CDC42BPA: variants seen among roughly 807,000 people sequenced by gnomAD.
The protein encoded by CDC42BPA is CDC42 binding protein kinase alpha, also known as serine/threonine-protein kinase MRCK alpha.
Under a neutral mutation model 223.5 loss-of-function variants are expected in CDC42BPA, and 80 were observed. The ratio of observed to expected loss-of-function variants is 0.36; its 90% CI spans 0.30 to 0.43. The LOEUF (loss-of-function observed/expected upper bound fraction) is 0.43, where lower values mean the gene tolerates loss of function less well. Ranked by LOEUF, CDC42BPA falls within the 20% of genes least tolerant of loss-of-function variation. The pLI, the probability that CDC42BPA is intolerant of heterozygous loss-of-function variation, is 1.00. For synonymous variants in CDC42BPA, 694 were observed against 718.6 expected (o/e 0.97, Z 0.55); for missense variants, 1,743 against 2,099.9 (o/e 0.83, Z 3.32).
intron 1 of CDC42BPA, among the ~76,000 whole-genome samples, chr1:227,304,173 G>A (rs6656653): frequency 0.2 from 30,724 of 152,132 alleles, 3,170 homozygotes; most frequent in East Asian, 0.26. Context: ...TTGGGAAGCC[G>A]AGGTGGGCGC....
At chr1:227,122,897 A>G (rs1375274258) in intron 11 of CDC42BPA, among the ~76,000 whole-genome samples, 1 of 152,256 alleles carries the variant, frequency 6.6e-6, no homozygotes, top group East Asian at 1.9e-4. Context: ...AACAAATAGC[A>G]AATATGGCTA....
chr1:227,225,817 G>C lies in CDC42BPA; in HGVS notation c.271-12598C>G, dbSNP rs16847485. On this transcript the variant is annotated intron_variant, in intron 2 of 36. Coordinates refer to ENST00000366766, the MANE Select transcript of CDC42BPA (RefSeq NM_001394014.1). ...GATTTCCTTGAAAACACAATGACTA[G>C]TACTAGTGGCCTTAAATATAATGCA... 7.3e-3 allele frequency among the ~76,000 whole-genome samples: 1,109 copies of C among 152,266 alleles called. 11 individuals carry two copies. Among genetic ancestry groups the C allele is most frequent in the Non-Finnish European group, 9.4e-3 (641 of 68,012 alleles).
At chr1:227,014,418 G>C (rs909661702) in intron 34 of CDC42BPA, among the ~76,000 whole-genome samples, 1 of 151,924 alleles carries the variant, frequency 6.6e-6, no homozygotes, top group Non-Finnish European at 1.5e-5. Context: ...ATAATATTTT[G>C]ATATTATTGG....
intron 5 of CDC42BPA, among the ~76,000 whole-genome samples, chr1:227,184,977 A>G (rs1365604454): frequency 6.6e-6 from 1 of 152,174 alleles, no homozygotes; most frequent in African/African-American, 2.4e-5. Context: ...AAAAGGGAGA[A>G]GGCTACTGGG....
intron 2 of CDC42BPA, 46 bp from the exon 3 acceptor site, chr1:227,213,265 AT>A: frequency 9.8e-7 from 1 of 1,016,630 alleles, no homozygotes; most frequent in Non-Finnish European, 1.5e-6. Flanking sequence ...ATGACAAATA[AT>A]TTTTTCAGCC....
At chr1:227,008,027 C>T (rs1929863) in intron 34 of CDC42BPA, among the ~76,000 whole-genome samples, 58,269 of 152,092 alleles carry the variant, frequency 0.38, 11,743 homozygotes, top group Non-Finnish European at 0.46. Context: ...TGGTTATAAG[C>T]AGGCATATGG....
In CDC42BPA at chr1:227,028,893, T is replaced by G. The variant is rs948678266; in HGVS notation, c.4196A>C (p.Gln1399Pro). The change falls in exon 30 of 37, where the codon CAG (glutamine) becomes CCG (proline). Residue 1399 changes from glutamine (Q) to proline (P), a missense_variant. Physicochemically the swap from Gln to Pro is moderately conservative, Grantham distance 76. This residue lies in a region of CDC42BPA where 678 missense variants were observed against 777.5 expected (regional missense o/e 0.87). Transcript: ENST00000366766. ...CAAGGGGTATCTTAGAAATCCTGAC[T>G]GGAATCCCACACAGAGTTGTTCACT... Reference protein sequence around the residue: ...IFSEQLCVGFQSGFLRYPLNG... With the variant: ...IFSEQLCVGFPSGFLRYPLNG... The G allele has an allele frequency of 6.2e-7, 1 of 1,613,846 alleles. No homozygotes were observed. The highest frequency in any genetic ancestry group is 8.5e-7 in the Non-Finnish European group (1 of 1,179,740).
At chr1:226,996,328 G>C (rs542683184) in intron 35 of CDC42BPA, among the ~76,000 whole-genome samples, 2 of 152,298 alleles carry the variant, frequency 1.3e-5, no homozygotes, top group Admixed American at 1.3e-4. Context: ...TGTAACCTGA[G>C]ACTTTGCTGA....
chr1:227,150,818 A>G (rs918163071), intron 6 of CDC42BPA, among the ~76,000 whole-genome samples: 2 of 151,406 alleles, frequency 1.3e-5, no homozygotes, highest in African/African-American at 4.8e-5. Context: ...CAAATAGAAA[A>G]ATAAAAATTT....
rs1407115038 is a variant in CDC42BPA, at chr1:227,280,172, T to C, written c.179-26017A>G. 5.9e-5 allele frequency among the ~76,000 whole-genome samples: 9 copies of C among 152,272 alleles called. No individual in the cohort carries two copies. The East Asian group carries it at 1.7e-3, about 29-fold the overall frequency. ...GACTTTAATTTTTAATTCAAATGAA[T>C]GTGTTATTACATAGCCTGGTATCAA... On this transcript the variant is annotated intron_variant, in intron 1 of 36. Transcript: ENST00000366766.
intron 23 of CDC42BPA, among the ~76,000 whole-genome samples, chr1:227,042,821 T>A (rs1671657128): frequency 6.6e-6 from 1 of 152,188 alleles, no homozygotes; most frequent in Admixed American, 6.5e-5. Context: ...AATTTTAGAT[T>A]ATGTGATCAT....
intron 1 of CDC42BPA, among the ~76,000 whole-genome samples, chr1:227,312,417 A>C (rs1413684123): frequency 1.3e-5 from 2 of 152,234 alleles, no homozygotes; most frequent in African/African-American, 2.4e-5. Context: ...ATTTCATAAA[A>C]TTTCCAACAT....
At chr1:227,200,135 T>C (rs1477427213) in intron 3 of CDC42BPA, among the ~76,000 whole-genome samples, 1 of 152,164 alleles carries the variant, frequency 6.6e-6, no homozygotes, top group Non-Finnish European at 1.5e-5. Context: ...ATTTGTGTTT[T>C]GAAAATTTTC....
chr1:226,996,264 CAG>C (rs1230568762), intron 35 of CDC42BPA, among the ~76,000 whole-genome samples: 4 of 152,236 alleles, frequency 2.6e-5, no homozygotes, highest in African/African-American at 9.6e-5. Flanking sequence ...GAACAATTTG[CAG>C]AGTTTCTGAC....
In CDC42BPA at chr1:227,101,050, C is replaced by T. The variant is rs1311127538; in HGVS notation, c.2191G>A (p.Ala731Thr). Residue 731 changes from alanine (A) to threonine (T), a missense_variant, in exon 15 of 37, where the codon GCT becomes ACT. Physicochemically the swap from Ala to Thr is moderately conservative, Grantham distance 58 (BLOSUM62 0). Coordinates refer to ENST00000366766, the MANE Select transcript of CDC42BPA (RefSeq NM_001394014.1). The stretch of plus-strand genomic sequence containing the variant: ...AAAATCATAATTTCTTTGTTGAGAG[C>T]AAGTTGCTGACCTTCTGAATCATGC... Reference protein sequence around the residue: ...ELHDSEGQQLALNKEIMILKD... With the variant: ...ELHDSEGQQLTLNKEIMILKD... 6.4e-7 allele frequency: 1 copy of T among 1,562,176 alleles called. No individual in the cohort carries two copies. The highest frequency in any genetic ancestry group is 2.2e-5 in the East Asian group (1 of 44,470).
chr1:227,185,649 C>T (rs1276007706), intron 5 of CDC42BPA, among the ~76,000 whole-genome samples: 2 of 152,110 alleles, frequency 1.3e-5, no homozygotes, highest in Non-Finnish European at 2.9e-5. Flanking sequence ...TGGAGCCCCC[C>T]TCCCTCTGTC....
intron 5 of CDC42BPA, among the ~76,000 whole-genome samples, chr1:227,164,761 G>A (rs78168134): frequency 0.1 from 15,388 of 152,226 alleles, 905 homozygotes; most frequent in Middle Eastern, 0.17. Flanking sequence ...TTCAGACTCT[G>A]GAAACCAGAT....
chr1:227,134,469 T>G (rs1658083630), intron 10 of CDC42BPA, among the ~76,000 whole-genome samples: 1 of 152,172 alleles, frequency 6.6e-6, no homozygotes, highest in African/African-American at 2.4e-5. Context: ...ACATTTTCTC[T>G]TTTTCTTGTC....
In CDC42BPA at chr1:227,311,810, C is replaced by T. The variant is rs186721939; in HGVS notation, c.178+5195G>A. Among the ~76,000 whole-genome samples the T allele has an allele frequency of 5.1e-4, 77 of 152,096 alleles. 1 individual carries two copies. The East Asian group carries it at 6.0e-3, about 12-fold the overall frequency. On this transcript the variant is annotated intron_variant, in intron 1 of 36. Coordinates refer to ENST00000366766, the MANE Select transcript of CDC42BPA (RefSeq NM_001394014.1). ...AGTATTCATTCTCATTCTCTGTCTC[C>T]CTCTCCCTACTCATTCTCTTTTTCT...
Sources: allele counts gnomAD v4.1 joint callset (sites outside exome capture counted in the v4.1 genomes callset), GRCh38; gene constraint gnomAD v4.1.1; regional missense constraint gnomAD v4.1.1; transcripts MANE v1.5; gene names NCBI Gene and HGNC (gene_info 2026-07-23, HGNC 2026-07-21).